FCRL2: variants seen among roughly 807,000 people sequenced by gnomAD.
FCRL2 encodes the protein Fc receptor-like protein 2.
In FCRL2, 48 loss-of-function variants were observed where a neutral mutation model predicts 59.8. The ratio of observed to expected loss-of-function variants is 0.80; its 90% CI spans 0.64 to 1.02. The LOEUF is 1.02. Ranked by LOEUF, FCRL2 falls within the 50% of genes least tolerant of loss-of-function variation. The pLI is 0.00. For synonymous variants in FCRL2, 251 were observed against 229.5 expected (o/e 1.09, Z -0.85); for missense variants, 658 against 597.3 (o/e 1.10, Z -1.06).
chr1:157,763,410 A>C (rs971314885), intron 7 of FCRL2, among the ~76,000 whole-genome samples: 1 of 152,092 alleles, frequency 6.6e-6, no homozygotes, highest in Non-Finnish European at 1.5e-5. Context: ...CTGTAATCCC[A>C]GCTACTCAGG....
At chr1:157,759,929 A>G (rs930486403) in intron 7 of FCRL2, among the ~76,000 whole-genome samples, 2 of 152,214 alleles carry the variant, frequency 1.3e-5, no homozygotes, top group African/African-American at 4.8e-5. Context: ...TGGCCAAGCA[A>G]TTCCATTACT....
chr1:157,760,555 G>A (rs1648944022), intron 7 of FCRL2, among the ~76,000 whole-genome samples: 1 of 151,680 alleles, frequency 6.6e-6, no homozygotes, highest in Non-Finnish European at 1.5e-5. Context: ...TTGAACCCGG[G>A]AGGTGGAAGT....
At chr1:157,749,023 A>G in intron 8 of FCRL2, 63 bp from the exon 9 acceptor site, 1 of 1,431,668 alleles carries the variant, frequency 7.0e-7, no homozygotes, top group Non-Finnish European at 9.8e-7. Flanking sequence ...CAGAGGGGAG[A>G]CTGGCTGAGG....
chr1:157,766,696 T>C (rs1649520256), intron 7 of FCRL2, 159 bp downstream of exon 7: 5 of 1,158,188 alleles, frequency 4.3e-6, no homozygotes, highest in Non-Finnish European at 6.0e-6. Context: ...TATGACCACA[T>C]TGAGCATTGC....
At chr1:157,761,689 T>G (rs952526966) in intron 7 of FCRL2, among the ~76,000 whole-genome samples, 6 of 152,172 alleles carry the variant, frequency 3.9e-5, no homozygotes, top group Non-Finnish European at 7.3e-5. Flanking sequence ...GATGACACAA[T>G]AATTGGGTCA....
In FCRL2 at chr1:157,745,970, T is replaced by G. The variant is rs1287854861; in HGVS notation, c.*766A>C. On this transcript the variant is annotated 3_prime_UTR_variant, in exon 12 of 12. Transcript: ENST00000361516. The stretch of plus-strand genomic sequence containing the variant: ...ATGTTTACACTCAAGTCGATGCACA[T>G]AAAGAAGAAAATCTGGAGGAAACGG... 3 of 152,076 alleles carry G rather than the reference T, an allele frequency of 2.0e-5. No individual in the cohort carries two copies. Among genetic ancestry groups the G allele is most frequent in the Non-Finnish European group, 4.4e-5 (3 of 68,000 alleles). 9.4% of individuals were successfully genotyped at this position (152,076 alleles called of 1,614,324 possible).
chr1:157,762,261 C>A (rs1325154215), intron 7 of FCRL2, among the ~76,000 whole-genome samples: 1 of 152,206 alleles, frequency 6.6e-6, no homozygotes, highest in African/African-American at 2.4e-5. Context: ...CCCAGCCTAT[C>A]ACAGCCACTA....
chr1:157,747,129 T>G (rs1307893644), intron 10 of FCRL2, among the ~76,000 whole-genome samples: 1 of 152,254 alleles, frequency 6.6e-6, no homozygotes, highest in East Asian at 1.9e-4. Context: ...CTTTCTCTAA[T>G]GCAACTTCCC....
At chr1:157,761,193 G>A (rs1181942146) in intron 7 of FCRL2, among the ~76,000 whole-genome samples, 1 of 152,190 alleles carries the variant, frequency 6.6e-6, no homozygotes, top group Non-Finnish European at 1.5e-5. Context: ...AATAGGTAAA[G>A]CCAGGTGGTG....
intron 10 of FCRL2, 82 bp from the exon 11 acceptor site, chr1:157,746,981 A>T: frequency 4.3e-6 from 6 of 1,392,108 alleles, no homozygotes; most frequent in Non-Finnish European, 6.0e-6. Context: ...CAGGGCATAG[A>T]ACTACTATGC....
chr1:157,775,674 A>G (rs928537004), intron 2 of FCRL2, 101 bp downstream of exon 2: 32 of 1,293,990 alleles, frequency 2.5e-5, no homozygotes, highest in Non-Finnish European at 2.5e-5. Flanking sequence ...TAATATTAGG[A>G]CATCTTCACA....
At chr1:157,751,155 T>G (rs1648155637) in intron 7 of FCRL2, among the ~76,000 whole-genome samples, 1 of 152,124 alleles carries the variant, frequency 6.6e-6, no homozygotes, top group Non-Finnish European at 1.5e-5. Flanking sequence ...CTAACAAAGA[T>G]AAAAGCAGAA....
intron 8 of FCRL2, 27 bp downstream of exon 8, chr1:157,749,623 A>G: frequency 6.3e-7 from 1 of 1,583,428 alleles, no homozygotes; most frequent in Non-Finnish European, 8.7e-7. Flanking sequence ...CTCTAGAATT[A>G]AAATTTTTAC....
At chr1:157,767,578 G>A (rs1458408550) in intron 5 of FCRL2, 69 bp from the exon 6 acceptor site, 2 of 1,614,212 alleles carry the variant, frequency 1.2e-6, no homozygotes, top group Non-Finnish European at 1.7e-6. Flanking sequence ...CTCCCAACCT[G>A]CAGGCTCAGC....
chr1:157,774,990 A>T (rs111384299), intron 2 of FCRL2, among the ~76,000 whole-genome samples: 88 of 152,258 alleles, frequency 5.8e-4, no homozygotes, highest in African/African-American at 2.0e-3. Context: ...GACTTCCTTC[A>T]CTGAGCACAG....
At position 157,769,873 on chromosome 1, in the gene FCRL2, G is replaced by T; in HGVS notation, c.588C>A (p.His196Gln). The change falls in exon 4 of 12, where the codon CAC (histidine) becomes CAA (glutamine). Residue 196 changes from histidine to glutamine, a missense_variant. Transcript: ENST00000361516. ...IRKQSLQSQI[H>Q]VQRIPISNVS... The stretch of plus-strand genomic sequence containing the variant: ...AGCCTCACTGATACTTGCTCTGCAC[G>T]TGAATCTGGGATTGGAGGCTCTGTT... 1.2e-6 allele frequency: 2 copies of T among 1,613,736 alleles called. No individual in the cohort carries two copies. The highest frequency in any genetic ancestry group is 8.5e-7 in the Non-Finnish European group (1 of 1,179,726).
chr1:157,767,159 C>G, intron 6 of FCRL2, 72 bp downstream of exon 6: 2 of 1,537,454 alleles, frequency 1.3e-6, no homozygotes, highest in Admixed American at 2.0e-5. Flanking sequence ...TCTTCACACA[C>G]AGCAGACATC....
At chr1:157,746,954 T>G (rs1571243327) in intron 10 of FCRL2, 55 bp from the exon 11 acceptor site, 1 of 1,573,332 alleles carries the variant, frequency 6.4e-7, no homozygotes, top group African/African-American at 1.4e-5. Flanking sequence ...TAGGCCTCAC[T>G]CCCAGACTTT....
chr1:157,767,502 C>T lies in FCRL2; in HGVS notation c.891G>A (p.Val297=), dbSNP rs1205436963. 6.2e-7 allele frequency: 1 copy of T among 1,614,112 alleles called. No individual in the cohort carries two copies. The highest frequency in any genetic ancestry group is 1.3e-5 in the African/African-American group (1 of 74,944). The change falls in exon 6 of 12, where the codon GTG becomes GTA. Residue 297 remains valine (V), a synonymous_variant. Transcript: ENST00000361516. ...KVVNIPVRIP[V]SRPVLTLRSP... ...ACCTGAGGGTGAGGACAGGGCGAGACACTGGAACTGACAGACACAGAGGGG... is the reference window on the plus strand; with the variant it reads ...ACCTGAGGGTGAGGACAGGGCGAGATACTGGAACTGACAGACACAGAGGGG...
Sources: allele counts gnomAD v4.1 joint callset (sites outside exome capture counted in the v4.1 genomes callset), GRCh38; gene constraint gnomAD v4.1.1; transcripts MANE v1.5; gene names NCBI Gene and HGNC (gene_info 2026-07-23, HGNC 2026-07-21).